Variants in ATG2A observed in about 807,000 individuals in gnomAD.
The protein encoded by ATG2A is autophagy-related protein 2 homolog A.
Under a neutral mutation model 214.2 loss-of-function variants are expected in ATG2A, and 103 were observed. That is an observed-to-expected ratio of 0.48 (90% CI 0.41 to 0.57). The LOEUF (loss-of-function observed/expected upper bound fraction) is 0.57, where lower values mean the gene tolerates loss of function less well. Among genes scored for constraint, ATG2A ranks in the 20% least tolerant of loss-of-function variants. The pLI is 0.00. For synonymous variants in ATG2A, 1,160 were observed against 1,142.1 expected (o/e 1.02, Z -0.32); for missense variants, 2,312 against 2,613.2 (o/e 0.88, Z 2.51).
At chr11:64,901,118 G>A in intron 29 of ATG2A, 26 bp from the exon 30 acceptor site, 1 of 1,549,146 alleles carries the variant, frequency 6.5e-7, no homozygotes, top group Non-Finnish European at 8.7e-7. Flanking sequence ...GTAGACGTGT[G>A]ACACAGATGT....
chr11:64,913,977 A>G lies in ATG2A; in HGVS notation c.488-54T>C. The G allele has an allele frequency of 2.5e-6, 4 of 1,595,004 alleles. No individual in the cohort carries two copies. The highest frequency in any genetic ancestry group is 3.4e-6 in the Non-Finnish European group (4 of 1,170,268). On this transcript the variant is annotated intron_variant, in intron 3 of 40. Coordinates refer to ENST00000377264, the MANE Select transcript of ATG2A (RefSeq NM_015104.3). This position sits in a 1 kb window ranked among gnomAD's most constrained non-coding sequence, Gnocchi z 4.3. ...AGGTAGAGCAGCAAAGGGGAGGCAG[A>G]ATTTCCCATCTGGGCACCAGGGTGG...
At chr11:64,916,131 C>T (rs1944973781) in intron 1 of ATG2A, among the ~76,000 whole-genome samples, 1 of 152,208 alleles carries the variant, frequency 6.6e-6, no homozygotes, top group South Asian at 2.1e-4. Context: ...TTCAAAGCTC[C>T]CCAGGTCAGC....
chr11:64,903,707 GC>G lies in ATG2A; in HGVS notation c.3465-48del, dbSNP rs1385751309. 5.9e-6 allele frequency: 9 copies of G among 1,525,170 alleles called. No homozygotes were observed. In the African/African-American group the frequency reaches 1.1e-4, roughly 19 times the overall value. The allele number at this position is 1,525,170 out of a possible 1,614,324, so 94.5% of individuals were successfully genotyped here. ...AAGGGCCCGGGCACCGCTGCAGGGG[GC>G]AGCTCCACGGGAGCCGAGCAGAGGG... is the stretch of plus-strand genomic sequence containing the variant. On this transcript the variant is annotated intron_variant, in intron 24 of 40. Transcript: ENST00000377264. This position sits in a 1 kb window ranked among gnomAD's most constrained non-coding sequence, Gnocchi z 4.2.
In ATG2A at chr11:64,898,624, G is replaced by C; in HGVS notation, c.4671+12C>G. ...GCCCTGCCCCAGGGTGGATGGTGCA[G>C]GTCGCTCATACCATGTTAGAGTGGG... On this transcript the variant is annotated intron_variant, in intron 32 of 40. Coordinates refer to ENST00000377264, the MANE Select transcript of ATG2A (RefSeq NM_015104.3). The surrounding 1 kb of genome is among the most constrained non-coding windows in gnomAD (Gnocchi z 4.5). 1 of 1,611,896 alleles carries C rather than the reference G, an allele frequency of 6.2e-7. No individual in the cohort carries two copies. The highest frequency in any genetic ancestry group is 1.7e-4 in the Middle Eastern group (1 of 6,054).
At position 64,914,221 on chromosome 11, in the gene ATG2A, G is replaced by A. The variant is rs150377716; in HGVS notation, c.347C>T (p.Ala116Val). ...QPRRGPAPGAADSQSWASCMT... is the reference protein window; with the variant it reads ...QPRRGPAPGAVDSQSWASCMT... ...GCATGAGGCCCAGCTCTGTGAGTCG[G>A]CAGCCCCTGGCGCTGTAGGGAGAAA... Residue 116 changes from alanine to valine, a missense_variant, in exon 3 of 41, where the codon GCC becomes GTC. Physicochemically the swap from Ala to Val is moderately conservative, Grantham distance 64. Coordinates refer to ENST00000377264, the MANE Select transcript of ATG2A (RefSeq NM_015104.3). 11 of 1,552,424 alleles carry A rather than the reference G, an allele frequency of 7.1e-6. No homozygotes were observed. The African/African-American group carries it at 1.2e-4, about 17-fold the overall frequency.
rs560591536 is a variant in ATG2A at position 64,897,660 on chromosome 11, G to A, written c.5067+11C>T. On this transcript the variant is annotated intron_variant, in intron 36 of 40. Transcript: ENST00000377264. The stretch of plus-strand genomic sequence containing the variant: ...CCCCACATGGCCACCCCATCCGACC[G>A]CCCCACTTACCACCTGGTCCATCGT... The A allele has an allele frequency of 8.7e-6, 14 of 1,614,138 alleles. No homozygotes were observed. Among genetic ancestry groups the A allele is most frequent in the East Asian group, 4.5e-5 (2 of 44,878 alleles).
At chr11:64,899,159 C>T (rs1260760276) in intron 31 of ATG2A, among the ~76,000 whole-genome samples, 1 of 152,196 alleles carries the variant, frequency 6.6e-6, no homozygotes, top group African/African-American at 2.4e-5. Flanking sequence ...CCTGCCTCGT[C>T]CTCCCAAAGT....
chr11:64,896,877 G>C lies in ATG2A; in HGVS notation c.5151-8C>G. 6.2e-7 allele frequency: 1 copy of C among 1,613,098 alleles called. No homozygotes were observed. Among genetic ancestry groups the C allele is most frequent in the Non-Finnish European group, 8.5e-7 (1 of 1,179,196 alleles). On this transcript the variant is annotated splice_polypyrimidine_tract_variant and splice_region_variant and intron_variant, in intron 37 of 40. Coordinates refer to ENST00000377264, the MANE Select transcript of ATG2A (RefSeq NM_015104.3). ...TTGTCCACACCCAGGAGCCTGGCAG[G>C]GCAGGGAGGTGAGGAGGCAGAAGGT...
intron 31 of ATG2A, 101 bp downstream of exon 31, chr11:64,900,393 G>C: frequency 1.9e-6 from 3 of 1,567,992 alleles, no homozygotes; most frequent in Non-Finnish European, 2.6e-6. Context: ...TACAAAGGCA[G>C]GGGTTTTCCT....
Position 64,905,645 on chromosome 11 carries a change from G to C in ATG2A, c.3382C>G (p.Leu1128Val). 1 of 1,613,904 alleles carries C rather than the reference G, an allele frequency of 6.2e-7. No individual in the cohort carries two copies. Among genetic ancestry groups the C allele is most frequent in the East Asian group, 2.2e-5 (1 of 44,876 alleles). ...GCGGTGATGAGGACACGCACTGGGA[G>C]GTAGAGTGGCCTGGGGGTGATACTC... is the stretch of plus-strand genomic sequence containing the variant. The part of the protein sequence containing the change: ...SCSVDYRPLY[L>V]PVRVLITAET... Residue 1128 changes from leucine to valine, a missense_variant, in exon 24 of 41, where the codon CTC becomes GTC. Transcript: ENST00000377264.
intron 6 of ATG2A, chr11:64,912,743 G>C (rs1944823517): frequency 2.2e-6 from 1 of 450,904 alleles, no homozygotes; most frequent in Non-Finnish European, 4.0e-6. Flanking sequence ...ACAGGCATGT[G>C]CCACCACGCC....
chr11:64,909,452 GCCC>G (rs1249985952), intron 14 of ATG2A, 85 bp from the exon 15 acceptor site: 2 of 1,455,630 alleles, frequency 1.4e-6, no homozygotes, highest in African/African-American at 2.8e-5. Flanking sequence ...TCAGAGCTGT[GCCC>G]CCGACTCCAC....
chr11:64,903,716 C>G lies in ATG2A; in HGVS notation c.3465-56G>C, dbSNP rs556011178. The G allele has an allele frequency of 2.1e-4, 322 of 1,510,954 alleles. 1 individual carries two copies. Among genetic ancestry groups the G allele is most frequent in the South Asian group, 1.0e-3 (83 of 81,194 alleles). The allele number at this position is 1,510,954 out of a possible 1,614,324, so 93.6% of individuals were successfully genotyped here. On this transcript the variant is annotated intron_variant, in intron 24 of 40. Transcript: ENST00000377264. The surrounding 1 kb of genome is among the most constrained non-coding windows in gnomAD (Gnocchi z 4.2). ...GGCACCGCTGCAGGGGGCAGCTCCA[C>G]GGGAGCCGAGCAGAGGGGTCCCAAG... is the stretch of plus-strand genomic sequence containing the variant.
rs761898880 is a variant in ATG2A at position 64,913,339 on chromosome 11, T to C, written c.653A>G (p.Gln218Arg). The change falls in exon 5 of 41, where the codon CAG (glutamine) becomes CGG (arginine). Residue 218 changes from glutamine to arginine, a missense_variant. Coordinates refer to ENST00000377264, the MANE Select transcript of ATG2A (RefSeq NM_015104.3). The surrounding 1 kb of genome is among the most constrained non-coding windows in gnomAD (Gnocchi z 4.3). ...PSQAPPVDVH[Q>R]PPAFLHKLLQ... ...CAGCTTGTGCAGGAAGGCAGGCGGC[T>C]GATGCACGTCCACCGGCGGCGCCTG... 1 of 1,606,756 alleles carries C rather than the reference T, an allele frequency of 6.2e-7. No individual in the cohort carries two copies. Among genetic ancestry groups the C allele is most frequent in the Admixed American group, 1.7e-5 (1 of 59,188 alleles).
rs775075108 is a variant in ATG2A, at chr11:64,898,026, C to T, written c.4859-52G>A. 43 of 1,601,246 alleles carry T rather than the reference C, an allele frequency of 2.7e-5. No individual in the cohort carries two copies. Among genetic ancestry groups the T allele is most frequent in the Non-Finnish European group, 3.6e-5 (42 of 1,175,098 alleles). On this transcript the variant is annotated intron_variant, in intron 34 of 40. Transcript: ENST00000377264. The surrounding 1 kb of genome is among the most constrained non-coding windows in gnomAD (Gnocchi z 4.5). ...GGATGGGGCCAGGAATGACTGGGAA[C>T]CTGTGCTGTCCTGGGAGGCAGAAGG... is the stretch of plus-strand genomic sequence containing the variant.
intron 37 of ATG2A, 124 bp downstream of exon 37, chr11:64,897,288 T>C: frequency 8.3e-7 from 1 of 1,198,468 alleles, no homozygotes. Flanking sequence ...TGCGTCCTTT[T>C]TACAGAGGAG....
Position 64,902,570 on chromosome 11 carries a change from G to C in ATG2A, c.3723C>G (p.Gly1241=). 6.3e-7 allele frequency: 1 copy of C among 1,588,734 alleles called. No individual in the cohort carries two copies. Among genetic ancestry groups the C allele is most frequent in the Non-Finnish European group, 8.5e-7 (1 of 1,169,990 alleles). Residue 1241 remains glycine, a synonymous_variant, in exon 27 of 41, where the codon GGC becomes GGG. Coordinates refer to ENST00000377264, the MANE Select transcript of ATG2A (RefSeq NM_015104.3). ...GGGGCCGGGGTGGGGGGTGCAGATC[G>C]CCTGTGCTCATTACGTACTGGAGCA... is the stretch of plus-strand genomic sequence containing the variant. ...VNLLQYVMST[G]DLHPPPRPPS... is the part of the protein sequence containing the mutation.
Position 64,906,833 on chromosome 11 carries a change from A to C in ATG2A, c.2833-18T>G. On this transcript the variant is annotated intron_variant, in intron 19 of 40. Transcript: ENST00000377264. ...CCCTCATCCTGCAGAAGGAGCACAC[A>C]GCCTGGCTTCCCCAGCTGCACTCAG... 6.2e-7 allele frequency: 1 copy of C among 1,608,710 alleles called. No homozygotes were observed. Among genetic ancestry groups the C allele is most frequent in the South Asian group, 1.1e-5 (1 of 90,500 alleles).
rs1944788167 is a variant in ATG2A, at chr11:64,911,920, G to C, written c.1150C>G (p.Leu384Val). Residue 384 changes from leucine to valine, a missense_variant, in exon 9 of 41, where the codon CTC (leucine) becomes GTC (valine). Coordinates refer to ENST00000377264, the MANE Select transcript of ATG2A (RefSeq NM_015104.3). ...GAGGAGGCCAGGTCTACATCGGAGAGGGAGAGCTCAGAGAGGGCTGAGGCC... is the reference window on the plus strand; with the variant it reads ...GAGGAGGCCAGGTCTACATCGGAGACGGAGAGCTCAGAGAGGGCTGAGGCC... Reference protein sequence around the residue: ...SVASALSELSLSDVDLASSVR... With the variant: ...SVASALSELSVSDVDLASSVR... 1 of 1,613,588 alleles carries C rather than the reference G, an allele frequency of 6.2e-7. No individual in the cohort carries two copies. Among genetic ancestry groups the C allele is most frequent in the South Asian group, 1.1e-5 (1 of 90,980 alleles).
Sources: gnomAD v4.1 joint callset for allele counts (sites outside exome capture counted in the v4.1 genomes callset) on GRCh38, gnomAD v4.1.1 for gene constraint, Gnocchi (gnomAD v3.1) non-coding constraint, MANE v1.5 for transcripts, NCBI Gene and HGNC (gene_info 2026-07-23, HGNC 2026-07-21) for gene names.